The following SLC10A7 variants were observed in gnomAD, a reference collection of about 807,000 sequenced individuals.
The protein encoded by SLC10A7 is solute carrier family 10 member 7, also known as sodium/bile acid cotransporter 7.
SLC10A7 carries 29 observed loss-of-function variants against 43.2 expected under a neutral mutation model. The ratio of observed to expected loss-of-function variants is 0.67; its 90% CI spans 0.50 to 0.92. The LOEUF is 0.92. Among genes scored for constraint, SLC10A7 ranks in the 40% least tolerant of loss-of-function variants. The pLI is 0.00. For missense variants in SLC10A7, 295 were observed against 403.2 expected (o/e 0.73, Z 2.30); for synonymous variants, 152 against 144.8 (o/e 1.05, Z -0.35).
At chr4:146,273,723 A>G (rs1362519060) in intron 10 of SLC10A7, among the ~76,000 whole-genome samples, 3 of 152,094 alleles carry the variant, frequency 2.0e-5, no homozygotes, top group Non-Finnish European at 2.9e-5. Context: ...CTTGTCACTG[A>G]GATCATTCAG....
At chr4:146,266,507 A>C (rs189569261) in intron 10 of SLC10A7, among the ~76,000 whole-genome samples, 3 of 152,302 alleles carry the variant, frequency 2.0e-5, no homozygotes, top group Admixed American at 2.0e-4. Flanking sequence ...AGAAAGTCAA[A>C]CTCACAGCCA....
chr4:146,290,168 CA>C (rs1167199160), intron 9 of SLC10A7, among the ~76,000 whole-genome samples: 1 of 150,032 alleles, frequency 6.7e-6, no homozygotes, highest in Non-Finnish European at 1.5e-5. Context: ...ACTAAAAATA[CA>C]AAAAATTAGC....
At chr4:146,485,504 T>G (rs1049172521) in intron 4 of SLC10A7, among the ~76,000 whole-genome samples, 1 of 152,164 alleles carries the variant, frequency 6.6e-6, no homozygotes, top group Non-Finnish European at 1.5e-5. Context: ...GGAGTCCCAG[T>G]AGGCCCTGGA....
chr4:146,307,128 C>T (rs73855142), intron 6 of SLC10A7, among the ~76,000 whole-genome samples: 185 of 152,224 alleles, frequency 1.2e-3, no homozygotes, highest in African/African-American at 4.2e-3. Context: ...GAATGGTTTA[C>T]AAAAATCTCC....
At chr4:146,337,631 C>T (rs1345960984) in intron 5 of SLC10A7, among the ~76,000 whole-genome samples, 1 of 151,924 alleles carries the variant, frequency 6.6e-6, no homozygotes, top group Non-Finnish European at 1.5e-5. Context: ...GTGCTAAGTA[C>T]ATTACAAACA....
Position 146,521,792 on chromosome 4 carries a change from G to A in SLC10A7, c.-75C>T. The A allele has an allele frequency of 1.6e-6, 2 of 1,229,144 alleles. No homozygotes were observed. Among genetic ancestry groups the A allele is most frequent in the African/African-American group, 1.5e-5 (1 of 66,966 alleles). The allele number at this position is 1,229,144 out of a possible 1,614,324, so 76.1% of individuals were successfully genotyped here. A position where few individuals can be genotyped will look rare whatever the true frequency, so the allele number is the denominator to read the frequency against. On this transcript the variant is annotated 5_prime_UTR_variant, in exon 1 of 12. Coordinates refer to ENST00000335472, the MANE Select transcript of SLC10A7 (RefSeq NM_001029998.6). ...TCAAGCTCCGATCACCTAATCCTTG[G>A]AGCGTCTCCACACTTTCCTTGGTCC... is the stretch of plus-strand genomic sequence containing the variant.
chr4:146,293,898 G>A, intron 8 of SLC10A7, 32 bp downstream of exon 8: 3 of 1,568,786 alleles, frequency 1.9e-6, no homozygotes, highest in Non-Finnish European at 2.6e-6. Flanking sequence ...GGACACTGAG[G>A]GATAGCCAGG....
chr4:146,281,244 C>T (rs1001986965), intron 10 of SLC10A7, among the ~76,000 whole-genome samples: 3 of 152,094 alleles, frequency 2.0e-5, no homozygotes, highest in African/African-American at 7.2e-5. Flanking sequence ...GAAAAGCACA[C>T]TGTTCACACT....
chr4:146,485,059 C>T (rs1734795019), intron 4 of SLC10A7, among the ~76,000 whole-genome samples: 1 of 152,168 alleles, frequency 6.6e-6, no homozygotes, highest in African/African-American at 2.4e-5. Flanking sequence ...CACCTCATCC[C>T]TTTTACCCAC....
intron 1 of SLC10A7, among the ~76,000 whole-genome samples, chr4:146,519,112 T>TATATATATATAA (rs1553991185): frequency 1.3e-4 from 2 of 15,972 alleles, no homozygotes; most frequent in Non-Finnish European, 2.0e-4. Flanking sequence ...TATATATATA[T>TATATATATATAA]AATATAATAT....
At chr4:146,432,625 A>T (rs1171712760) in intron 5 of SLC10A7, among the ~76,000 whole-genome samples, 1 of 152,232 alleles carries the variant, frequency 6.6e-6, no homozygotes, top group Admixed American at 6.5e-5. Flanking sequence ...AAGGGCAAGA[A>T]GAAACTTTCC....
At chr4:146,324,483 C>T (rs78405132) in intron 6 of SLC10A7, among the ~76,000 whole-genome samples, 10,462 of 152,204 alleles carry the variant, frequency 0.069, 477 homozygotes, top group South Asian at 0.19. Context: ...ACATCTCCCC[C>T]GCTCTTCTTA....
intron 1 of SLC10A7, 111 bp downstream of exon 1, chr4:146,521,507 C>T (rs913877939): frequency 2.6e-5 from 21 of 816,368 alleles, no homozygotes; most frequent in Middle Eastern, 2.5e-4. Context: ...CTGGTCAGTG[C>T]CCCCTGAAAT....
intron 6 of SLC10A7, 40 bp downstream of exon 6, chr4:146,325,921 T>C (rs1171062966): frequency 1.3e-6 from 2 of 1,565,222 alleles, no homozygotes; most frequent in African/African-American, 1.4e-5. Context: ...TGTAGATAGC[T>C]TTTAATAAAA....
At chr4:146,263,900 A>T (rs968743756) in intron 10 of SLC10A7, among the ~76,000 whole-genome samples, 1 of 152,264 alleles carries the variant, frequency 6.6e-6, no homozygotes, top group Non-Finnish European at 1.5e-5. Context: ...CTACAAGTAC[A>T]CTGTGTGGAT....
intron 5 of SLC10A7, among the ~76,000 whole-genome samples, chr4:146,429,779 T>C (rs1365913881): frequency 6.6e-6 from 1 of 151,730 alleles, no homozygotes; most frequent in Non-Finnish European, 1.5e-5. Context: ...GAAGGACAGC[T>C]AGGATAATAG....
At chr4:146,357,835 G>A (rs1053093407) in intron 5 of SLC10A7, among the ~76,000 whole-genome samples, 6 of 152,138 alleles carry the variant, frequency 3.9e-5, no homozygotes, top group African/African-American at 1.4e-4. Context: ...TGGAAGGGGA[G>A]AAGAGCTGCA....
intron 5 of SLC10A7, among the ~76,000 whole-genome samples, chr4:146,348,404 G>T (rs989322380): frequency 1.3e-5 from 2 of 152,172 alleles, no homozygotes; most frequent in African/African-American, 4.8e-5. Context: ...CAGAAATTTA[G>T]TTATTCTCCC....
intron 4 of SLC10A7, among the ~76,000 whole-genome samples, chr4:146,463,124 T>C (rs546147138): frequency 6.6e-6 from 1 of 152,328 alleles, no homozygotes. Flanking sequence ...TTTAAAATGC[T>C]GCCCTCTAGA....
Sources: gnomAD v4.1 joint callset for allele counts (sites outside exome capture counted in the v4.1 genomes callset) on GRCh38, gnomAD v4.1.1 for gene constraint, MANE v1.5 for transcripts, NCBI Gene and HGNC (gene_info 2026-07-23, HGNC 2026-07-21) for gene names.